SMCHD1: variants seen among roughly 807,000 people sequenced by gnomAD.
SMCHD1 encodes the protein structural maintenance of chromosomes flexible hinge domain containing 1.
In SMCHD1, 78 loss-of-function variants were observed where a neutral mutation model predicts 254.7. The observed-to-expected ratio is 0.31, with a 90% CI of 0.26 to 0.37. The LOEUF (loss-of-function observed/expected upper bound fraction) is 0.37. Among genes scored for constraint, SMCHD1 ranks in the 10% least tolerant of loss-of-function variants. SMCHD1 has a pLI of 1.00. For synonymous variants in SMCHD1, 766 were observed against 794.9 expected (o/e 0.96, Z 0.61); for missense variants, 1,840 against 2,408.1 (o/e 0.76, Z 4.94).
rs781623828 is a variant in SMCHD1 at position 2,763,662 on chromosome 18, T to C, written c.4592T>C (p.Ile1531Thr). The C allele has an allele frequency of 4.4e-6, 7 of 1,579,230 alleles. No individual in the cohort carries two copies. The highest frequency in any genetic ancestry group is 1.2e-5 in the South Asian group (1 of 85,038). ...GATGACTACGACAACCATACTGGAATTGATTTGGTTGGCACTATAATAGCC... is the reference window on the plus strand; with the variant it reads ...GATGACTACGACAACCATACTGGAACTGATTTGGTTGGCACTATAATAGCC... ...ITDDYDNHTG[I>T]DLVGTIIATI... Residue 1531 changes from isoleucine to threonine, a missense_variant, in exon 37 of 48, where the codon ATT (isoleucine) becomes ACT (threonine). By Grantham distance (89) the Ile-to-Thr change is moderately conservative. Around this residue, in one of 9 missense-constraint regions of SMCHD1, gnomAD observed 881 missense variants for 1,009.5 expected, o/e 0.87. Transcript: ENST00000320876.
chr18:2,748,317 G>A (rs1056204943), intron 30 of SMCHD1, among the ~76,000 whole-genome samples: 1 of 148,278 alleles, frequency 6.7e-6, no homozygotes, highest in African/African-American at 2.5e-5. Flanking sequence ...AGGGGAAAGA[G>A]GAAAAGCTGC....
chr18:2,669,802 T>C (rs2073545765), intron 3 of SMCHD1, among the ~76,000 whole-genome samples: 1 of 152,248 alleles, frequency 6.6e-6, no homozygotes, highest in East Asian at 1.9e-4. Flanking sequence ...CACTGAATTT[T>C]ATACCACACA....
chr18:2,749,457 A>G (rs2075530290), intron 30 of SMCHD1, among the ~76,000 whole-genome samples: 1 of 152,206 alleles, frequency 6.6e-6, no homozygotes, highest in South Asian at 2.1e-4. Flanking sequence ...TAGTTTCTGG[A>G]GAACCATCTG....
chr18:2,772,459 G>T (rs1473574824), intron 41 of SMCHD1, 87 bp downstream of exon 41: 1 of 1,164,520 alleles, frequency 8.6e-7, no homozygotes, highest in African/African-American at 1.6e-5. Context: ...ACAAAAAAGT[G>T]TCAGGTTCTT....
At chr18:2,789,681 A>G (rs780988591) in intron 45 of SMCHD1, among the ~76,000 whole-genome samples, 3 of 152,234 alleles carry the variant, frequency 2.0e-5, no homozygotes, top group Admixed American at 6.5e-5. Flanking sequence ...TGAGAATATC[A>G]TAAGTTGGAA....
chr18:2,796,591 GT>G, intron 47 of SMCHD1, 70 bp downstream of exon 47: 2 of 1,025,680 alleles, frequency 1.9e-6, no homozygotes, highest in Non-Finnish European at 1.5e-6. Flanking sequence ...TGATAGCTTT[GT>G]TTTTTTGAGA....
At chr18:2,759,986 A>T (rs940535004) in intron 34 of SMCHD1, among the ~76,000 whole-genome samples, 3 of 152,204 alleles carry the variant, frequency 2.0e-5, no homozygotes, top group African/African-American at 7.2e-5. Flanking sequence ...CGGGATTTGA[A>T]TTCAAGTATG....
At position 2,781,963 on chromosome 18, in the gene SMCHD1, A is replaced by G. The variant is rs138536417; in HGVS notation, c.5548-2487A>G. Among the ~76,000 whole-genome samples the G allele has an allele frequency of 4.2e-3, 639 of 152,338 alleles. 3 individuals are homozygous for G. Among genetic ancestry groups the G allele is most frequent in the African/African-American group, 0.015 (616 of 41,594 alleles). Reference sequence around the variant, plus strand: ...ATATTTGAAGAACTGATGGCTGAAAATATCTTAAAACTGATGAAAGATACC... The same window carrying G: ...ATATTTGAAGAACTGATGGCTGAAAGTATCTTAAAACTGATGAAAGATACC... On this transcript the variant is annotated intron_variant, in intron 44 of 47. Transcript: ENST00000320876.
In SMCHD1 at chr18:2,767,954, A is replaced by G. The variant is rs550867334; in HGVS notation, c.4720-1740A>G. Among the ~76,000 whole-genome samples the G allele has an allele frequency of 7.2e-5, 11 of 152,306 alleles. 1 individual carries two copies. The East Asian group carries it at 1.9e-3, about 27-fold the overall frequency. ...TGTGACTGTACTGAACACTGTAGGT[A>G]ATTTTAACATAATAGTATCTGTGTA... is the stretch of plus-strand genomic sequence containing the variant. On this transcript the variant is annotated intron_variant, in intron 37 of 47. Coordinates refer to ENST00000320876, the MANE Select transcript of SMCHD1 (RefSeq NM_015295.3).
intron 47 of SMCHD1, chr18:2,801,033 A>C (rs1055899919): frequency 1.3e-5 from 2 of 152,204 alleles, no homozygotes; most frequent in Admixed American, 1.3e-4. Flanking sequence ...TAGGAGGATT[A>C]AAGTCCAAAA....
intron 5 of SMCHD1, among the ~76,000 whole-genome samples, chr18:2,684,260 G>A (rs556024145): frequency 7.4e-4 from 112 of 152,060 alleles, no homozygotes; most frequent in Middle Eastern, 3.4e-3. Flanking sequence ...ATATTATTAC[G>A]TTATCCAGAA....
At chr18:2,696,136 G>A (rs1356381634) in intron 8 of SMCHD1, among the ~76,000 whole-genome samples, 1 of 152,098 alleles carries the variant, frequency 6.6e-6, no homozygotes, top group Non-Finnish European at 1.5e-5. Context: ...AAATAAAGAG[G>A]TGTTATTTCC....
intron 30 of SMCHD1, among the ~76,000 whole-genome samples, chr18:2,748,483 TCCCAGG>T (rs2075511445): frequency 1.4e-5 from 1 of 73,478 alleles, no homozygotes. Flanking sequence ...AACCTCTGCC[TCCCAGG>T]TTCAAAGCAA....
In SMCHD1 at chr18:2,750,440, A is replaced by G. The variant is rs1474094399; in HGVS notation, c.4098A>G (p.Glu1366=). ...AGTTAATGATTCTTCCAGACCCAGA[A>G]AAACCCGTTCGTCTCAATGTTAAAT... ...IIKLMILPDP[E]KPVRLNVKYD... The change falls in exon 32 of 48, where the codon GAA becomes GAG. Residue 1366 remains glutamate (E), a synonymous_variant. Transcript: ENST00000320876. 1 of 1,612,056 alleles carries G rather than the reference A, an allele frequency of 6.2e-7. No individual in the cohort carries two copies.
At chr18:2,706,622 T>G (rs2074520752) in intron 15 of SMCHD1, 152 bp downstream of exon 15, 4 of 486,542 alleles carry the variant, frequency 8.2e-6, no homozygotes, top group African/African-American at 7.9e-5. Context: ...TGAAAAAAAT[T>G]AAGAGGTCTA....
At chr18:2,761,449 A>G (rs967855585) in intron 35 of SMCHD1, among the ~76,000 whole-genome samples, 1 of 152,234 alleles carries the variant, frequency 6.6e-6, no homozygotes, top group Non-Finnish European at 1.5e-5. Flanking sequence ...GAAATTAAAA[A>G]TAAATAGTAT....
At chr18:2,737,004 T>C (rs62085961) in intron 25 of SMCHD1, among the ~76,000 whole-genome samples, 29,515 of 152,064 alleles carry the variant, frequency 0.19, 3,114 homozygotes, top group South Asian at 0.27. Flanking sequence ...CGGTAGTAGA[T>C]TGGATAAAGA....
intron 13 of SMCHD1, 108 bp downstream of exon 13, chr18:2,703,994 T>C: frequency 2.3e-6 from 2 of 855,316 alleles, no homozygotes. Flanking sequence ...AATTTCTTTT[T>C]TTCCCATTCT....
intron 1 of SMCHD1, among the ~76,000 whole-genome samples, chr18:2,661,248 T>C (rs997662240): frequency 1.3e-5 from 2 of 151,922 alleles, no homozygotes; most frequent in Non-Finnish European, 2.9e-5. Flanking sequence ...AAATCCTAGA[T>C]GACAGGTTGA....
Sources: gnomAD v4.1 joint callset for allele counts (sites outside exome capture counted in the v4.1 genomes callset) on GRCh38, gnomAD v4.1.1 for gene constraint, gnomAD v4.1.1 regional missense constraint, MANE v1.5 for transcripts, NCBI Gene and HGNC (gene_info 2026-07-23, HGNC 2026-07-21) for gene names.